The following MACROD2 variants were observed in gnomAD, a reference collection of about 807,000 sequenced individuals.
MACROD2 encodes the protein ADP-ribose glycohydrolase MACROD2.
In MACROD2, 36 loss-of-function variants were observed where a neutral mutation model predicts 70.4. That is an observed-to-expected ratio of 0.51 (90% CI 0.39 to 0.68). MACROD2 has a LOEUF of 0.68. Among genes scored for constraint, MACROD2 ranks in the 30% least tolerant of loss-of-function variants. MACROD2 has a pLI of 0.00. For missense variants in MACROD2, 496 were observed against 538.4 expected, an observed-to-expected ratio of 0.92 and a Z score of 0.78; for synonymous variants, 172 against 178.8, an observed-to-expected ratio of 0.96 and a Z score of 0.30.
intron 8 of MACROD2, among the ~76,000 whole-genome samples, chr20:15,640,079 G>C (rs897624011): frequency 4.6e-5 from 7 of 151,310 alleles, no homozygotes; most frequent in Non-Finnish European, 8.8e-5. Context: ...GAGAAGGTGA[G>C]AGAAAAAAGG....
chr20:14,110,093 A>G (rs1022688427), intron 3 of MACROD2, among the ~76,000 whole-genome samples: 4 of 151,990 alleles, frequency 2.6e-5, no homozygotes, highest in African/African-American at 9.7e-5. Context: ...AATCAGTGTG[A>G]TGCATTATAT....
intron 5 of MACROD2, among the ~76,000 whole-genome samples, chr20:14,713,809 G>A (rs2071365671): frequency 6.6e-6 from 1 of 152,200 alleles, no homozygotes; most frequent in African/African-American, 2.4e-5. Flanking sequence ...AACAAGGCAT[G>A]ATTAATTGCC....
intron 3 of MACROD2, among the ~76,000 whole-genome samples, chr20:14,212,510 G>T (rs935327402): frequency 6.6e-6 from 1 of 151,992 alleles, no homozygotes; most frequent in African/African-American, 2.4e-5. Flanking sequence ...AAATTATTTC[G>T]CCTTCTCTCA....
chr20:14,409,987 T>A (rs561280993), intron 3 of MACROD2, among the ~76,000 whole-genome samples: 69 of 152,260 alleles, frequency 4.5e-4, no homozygotes, highest in African/African-American at 1.6e-3. Flanking sequence ...TACCTTCTAC[T>A]CTTTCTTGAG....
chr20:15,521,270 A>G (rs926863453), intron 8 of MACROD2, among the ~76,000 whole-genome samples: 57 of 152,186 alleles, frequency 3.7e-4, no homozygotes, highest in African/African-American at 1.3e-3. Flanking sequence ...TTCAGTGAGC[A>G]TGGCAGGGAT....
chr20:14,016,191 A>G (rs940817719), intron 2 of MACROD2, among the ~76,000 whole-genome samples: 2 of 152,178 alleles, frequency 1.3e-5, no homozygotes, highest in Admixed American at 6.5e-5. Flanking sequence ...TTTGATGAGC[A>G]TCTTTATAGA....
intron 8 of MACROD2, among the ~76,000 whole-genome samples, chr20:15,673,313 G>A (rs1196428986): frequency 6.6e-6 from 1 of 152,154 alleles, no homozygotes; most frequent in Non-Finnish European, 1.5e-5. Context: ...ACTTGCTTCT[G>A]AACATTCTGT....
chr20:15,432,942 A>C (rs1006941948), intron 7 of MACROD2, among the ~76,000 whole-genome samples: 1 of 152,068 alleles, frequency 6.6e-6, no homozygotes, highest in South Asian at 2.1e-4. Context: ...GGACCATAAA[A>C]TTAGAGGCTC....
intron 6 of MACROD2, among the ~76,000 whole-genome samples, chr20:15,400,954 G>C (rs2146307567): frequency 6.6e-6 from 1 of 152,244 alleles, no homozygotes; most frequent in African/African-American, 2.4e-5. Context: ...ACATCTACTT[G>C]TGTCCCCTTT....
chr20:15,437,290 TTCTGTGACCCACATGTACATGA>T (rs2146367997), intron 7 of MACROD2, among the ~76,000 whole-genome samples: 1 of 152,282 alleles, frequency 6.6e-6, no homozygotes. Context: ...TGGTTATATC[TTCTGTGACCCACATGTACATGA>T]TCTGATGAAT....
intron 5 of MACROD2, among the ~76,000 whole-genome samples, chr20:14,897,724 CAG>C (rs1169310458): frequency 2.6e-5 from 4 of 152,138 alleles, no homozygotes; most frequent in Admixed American, 1.3e-4. Context: ...GCTGCTGTAA[CAG>C]AATACCATAG....
intron 15 of MACROD2, among the ~76,000 whole-genome samples, chr20:16,022,098 T>C (rs2067010497): frequency 7.2e-6 from 1 of 139,570 alleles, no homozygotes; most frequent in South Asian, 2.4e-4. Flanking sequence ...TTGCCCAGGC[T>C]GGAGTGCAGT....
At chr20:15,405,989 G>T (rs971263793) in intron 6 of MACROD2, among the ~76,000 whole-genome samples, 1 of 152,186 alleles carries the variant, frequency 6.6e-6, no homozygotes, top group South Asian at 2.1e-4. Flanking sequence ...GTGAGGACAT[G>T]ATGATCAGCT....
chr20:14,907,754 C>A (rs1443228469), intron 5 of MACROD2, among the ~76,000 whole-genome samples: 1 of 152,052 alleles, frequency 6.6e-6, no homozygotes, highest in East Asian at 1.9e-4. Context: ...TTGGCGGGGA[C>A]TAGATGATAA....
At chr20:15,971,790 C>T (rs1262613891) in intron 13 of MACROD2, among the ~76,000 whole-genome samples, 2 of 152,144 alleles carry the variant, frequency 1.3e-5, no homozygotes, top group Admixed American at 6.5e-5. Flanking sequence ...CTTCTGTCAG[C>T]ATCCATGGAA....
At chr20:16,024,108 A>G (rs990826749) in intron 15 of MACROD2, among the ~76,000 whole-genome samples, 1 of 152,178 alleles carries the variant, frequency 6.6e-6, no homozygotes, top group African/African-American at 2.4e-5. Context: ...GCATTGATTA[A>G]TGGAGGTTTA....
rs537184921 is a variant in MACROD2, at chr20:15,049,441, G to A, written c.419-180499G>A. The stretch of plus-strand genomic sequence containing the variant: ...CAATAACAATTCTATCTCATCATTG[G>A]CAAATATTATTTTTCAAGAGAAGTA... On this transcript the variant is annotated intron_variant, in intron 5 of 17. Coordinates refer to ENST00000684519, the MANE Select transcript of MACROD2 (RefSeq NM_001351661.2). Among the ~76,000 whole-genome samples, 30 of 151,784 alleles carry A rather than the reference G, an allele frequency of 2.0e-4. No individual in the cohort carries two copies. In the South Asian group the frequency reaches 2.9e-3, roughly 15 times the overall value.
At chr20:14,779,464 G>T (rs2072273255) in intron 5 of MACROD2, among the ~76,000 whole-genome samples, 1 of 152,094 alleles carries the variant, frequency 6.6e-6, no homozygotes, top group African/African-American at 2.4e-5. Context: ...ATCATGTGTA[G>T]GTCCTCTTCC....
chr20:14,242,626 CT>C (rs2081938887), intron 3 of MACROD2, among the ~76,000 whole-genome samples: 1 of 151,970 alleles, frequency 6.6e-6, no homozygotes, highest in South Asian at 2.1e-4. Context: ...AATTATTTTC[CT>C]TTAAAAGTAA....
Sources: gnomAD v4.1 joint callset for allele counts (sites outside exome capture counted in the v4.1 genomes callset) on GRCh38, gnomAD v4.1.1 for gene constraint, MANE v1.5 for transcripts, NCBI Gene and HGNC (gene_info 2026-07-23, HGNC 2026-07-21) for gene names.